The following NDUFAF2 variants were observed in gnomAD, a reference collection of about 807,000 sequenced individuals.
NDUFAF2 encodes NADH dehydrogenase [ubiquinone] 1 alpha subcomplex assembly factor 2.
A neutral mutation model predicts 22.8 loss-of-function variants in NDUFAF2; 13 were observed. The observed-to-expected ratio is 0.57, with a 90% confidence interval of 0.37 to 0.91. The LOEUF (loss-of-function observed/expected upper bound fraction) is 0.91, where lower values mean the gene tolerates loss of function less well. Ranked by LOEUF, NDUFAF2 falls within the 40% of genes least tolerant of loss-of-function variation. The pLI, the probability that NDUFAF2 is intolerant of heterozygous loss-of-function variation, is 0.01. For missense variants in NDUFAF2, 162 were observed against 195.2 expected (o/e 0.83, Z 1.01); for synonymous variants, 53 against 64.2 (o/e 0.83, Z 0.84).
rs1426008561 is a variant in NDUFAF2 at position 61,105,260 on chromosome 5, A to G, written c.258+6228A>G. Among the ~76,000 whole-genome samples, 3 of 151,192 alleles carry G rather than the reference A, an allele frequency of 2.0e-5. No homozygotes were observed. The East Asian group carries it at 5.8e-4, about 29-fold the overall frequency. ...TCTTATTTCTGGATTTTTCAGGCCC[A>G]TTTCAGTGTTGTCTCTAAATAACTG... On this transcript the variant is annotated intron_variant, in intron 3 of 3. Coordinates refer to ENST00000296597, the MANE Select transcript of NDUFAF2 (RefSeq NM_174889.5).
At chr5:61,031,599 C>T (rs2112609899) in intron 1 of NDUFAF2, among the ~76,000 whole-genome samples, 1 of 151,010 alleles carries the variant, frequency 6.6e-6, no homozygotes, top group East Asian at 2.0e-4. Context: ...TAAAATGGTA[C>T]CACATTTTCT....
intron 1 of NDUFAF2, among the ~76,000 whole-genome samples, chr5:60,955,347 T>C (rs1750601054): frequency 6.6e-6 from 1 of 152,228 alleles, no homozygotes; most frequent in Non-Finnish European, 1.5e-5. Context: ...CTGTGTGTTC[T>C]TGGCATAATT....
chr5:61,086,941 A>C (rs1752511411), intron 2 of NDUFAF2, among the ~76,000 whole-genome samples: 1 of 152,156 alleles, frequency 6.6e-6, no homozygotes, highest in South Asian at 2.1e-4. Context: ...TTAATTTTAA[A>C]ATGGACAAAA....
chr5:61,141,380 G>A (rs909471504), intron 3 of NDUFAF2, among the ~76,000 whole-genome samples: 1 of 151,976 alleles, frequency 6.6e-6, no homozygotes, highest in South Asian at 2.1e-4. Flanking sequence ...TAGATTGTGA[G>A]TTCTTTGAGC....
chr5:61,073,010 C>T, intron 1 of NDUFAF2, 115 bp from the exon 2 acceptor site: 1 of 698,796 alleles, frequency 1.4e-6, no homozygotes, highest in South Asian at 1.6e-5. Context: ...TTCTCGTTTT[C>T]CTGTTAATTT....
At chr5:61,075,160 T>A (rs1475308483) in intron 2 of NDUFAF2, among the ~76,000 whole-genome samples, 2 of 152,204 alleles carry the variant, frequency 1.3e-5, no homozygotes, top group Non-Finnish European at 2.9e-5. Context: ...TTAATTTACC[T>A]GGGTTATATA....
In NDUFAF2 at chr5:61,147,437, C is replaced by CTTTTTTTTTTTTTTTTTTTTTTTTTTTTT. The variant is rs1240336890; in HGVS notation, c.259-5250_259-5249insTTTTTTTTTTTTTTTTTTTTTTTTTTTTT. 9.4e-5 allele frequency among the ~76,000 whole-genome samples: 8 copies of CTTTTTTTTTTTTTTTTTTTTTTTTTTTTT among 84,726 alleles called. No individual in the cohort carries two copies. In the East Asian group the frequency reaches 1.7e-3, roughly 18 times the overall value. 55.6% of individuals were successfully genotyped at this position (84,726 alleles called of 152,430 possible). ...CTAATTTTTGTATTTTTTTTTCTTT[C>CTTTTTTTTTTTTTTTTTTTTTTTTTTTTT]TTTTTTTTTTTTTTTTTGTAGCAAC... On this transcript the variant is annotated intron_variant, in intron 3 of 3. Transcript: ENST00000296597.
At chr5:61,100,536 T>TACAC (rs10543246) in intron 3 of NDUFAF2, among the ~76,000 whole-genome samples, 9 of 149,796 alleles carry the variant, frequency 6.0e-5, no homozygotes, top group African/African-American at 7.4e-5. Flanking sequence ...CCCTCCCTAA[T>TACAC]ACACACACAC....
chr5:60,994,698 C>T (rs758420665), intron 1 of NDUFAF2, among the ~76,000 whole-genome samples: 61 of 152,154 alleles, frequency 4.0e-4, no homozygotes, highest in Non-Finnish European at 1.8e-4. Context: ...GCTTGGTGTT[C>T]TATAACCTTC....
intron 1 of NDUFAF2, among the ~76,000 whole-genome samples, chr5:61,059,423 TA>T (rs902909733): frequency 5.9e-5 from 9 of 151,970 alleles, no homozygotes; most frequent in South Asian, 2.1e-4. Flanking sequence ...TTTGTGGCTT[TA>T]AAAAAAATTC....
chr5:61,047,598 T>A (rs888799256), intron 1 of NDUFAF2, among the ~76,000 whole-genome samples: 16 of 152,124 alleles, frequency 1.1e-4, no homozygotes, highest in Admixed American at 2.0e-4. Flanking sequence ...TGCTCTTGGA[T>A]CTCAGTGTTG....
At chr5:60,957,078 T>A (rs1321881183) in intron 1 of NDUFAF2, among the ~76,000 whole-genome samples, 21 of 152,174 alleles carry the variant, frequency 1.4e-4, no homozygotes, top group Admixed American at 1.4e-3. Context: ...TTTATACCTT[T>A]TGTGCTTCCT....
At chr5:60,952,517 T>A (rs1750561259) in intron 1 of NDUFAF2, among the ~76,000 whole-genome samples, 2 of 152,142 alleles carry the variant, frequency 1.3e-5, no homozygotes, top group Non-Finnish European at 2.9e-5. Flanking sequence ...CATTGACTTC[T>A]AGTTTAATTC....
chr5:61,087,820 C>T (rs1752521927), intron 2 of NDUFAF2, among the ~76,000 whole-genome samples: 1 of 152,090 alleles, frequency 6.6e-6, no homozygotes, highest in Non-Finnish European at 1.5e-5. Context: ...TACTACACAT[C>T]AATAAAAAAT....
intron 1 of NDUFAF2, among the ~76,000 whole-genome samples, chr5:61,038,208 T>G (rs1360005313): frequency 3.3e-5 from 5 of 151,958 alleles, no homozygotes; most frequent in Non-Finnish European, 7.4e-5. Context: ...CAATCTATAA[T>G]GTACATAGAT....
chr5:61,149,049 C>A (rs1741189838), intron 3 of NDUFAF2, among the ~76,000 whole-genome samples: 2 of 152,190 alleles, frequency 1.3e-5, no homozygotes, highest in Non-Finnish European at 2.9e-5. Context: ...CAGCTCACTG[C>A]AACCTCCACC....
At chr5:61,128,833 A>G (rs933565496) in intron 3 of NDUFAF2, among the ~76,000 whole-genome samples, 4 of 152,170 alleles carry the variant, frequency 2.6e-5, no homozygotes, top group Admixed American at 6.5e-5. Flanking sequence ...TCTGCACAGC[A>G]AAAGAAACTA....
chr5:61,015,285 A>T lies in NDUFAF2; in HGVS notation c.128-57840A>T, dbSNP rs181243909. Among the ~76,000 whole-genome samples, 772 of 152,182 alleles carry T rather than the reference A, an allele frequency of 5.1e-3. 11 individuals are homozygous for T. The highest frequency in any genetic ancestry group is 0.018 in the African/African-American group (755 of 41,534). Reference sequence around the variant, plus strand: ...ATATAACACCCAATTTTTTAAATTAATTTTTTTAATTTTTCAGACAGGGTC... The same window carrying T: ...ATATAACACCCAATTTTTTAAATTATTTTTTTTAATTTTTCAGACAGGGTC... On this transcript the variant is annotated intron_variant, in intron 1 of 3. Coordinates refer to ENST00000296597, the MANE Select transcript of NDUFAF2 (RefSeq NM_174889.5).
chr5:61,071,525 A>G (rs921905103), intron 1 of NDUFAF2, among the ~76,000 whole-genome samples: 1 of 152,194 alleles, frequency 6.6e-6, no homozygotes, highest in Admixed American at 6.5e-5. Context: ...CCACACTTAA[A>G]TGAATTTACA....
Sources: gnomAD v4.1 joint callset for allele counts (sites outside exome capture counted in the v4.1 genomes callset) on GRCh38, gnomAD v4.1.1 for gene constraint, MANE v1.5 for transcripts, NCBI Gene and HGNC (gene_info 2026-07-23, HGNC 2026-07-21) for gene names.